The following MCTP1 variants were observed in gnomAD, a reference collection of about 807,000 sequenced individuals.
MCTP1 encodes multiple C2 and transmembrane domain containing 1, also known as multiple C2 and transmembrane domain-containing protein 1.
A neutral mutation model predicts 120.6 loss-of-function variants in MCTP1; 69 were observed. That is an observed-to-expected ratio of 0.57 (90% confidence interval 0.47 to 0.70). The LOEUF (loss-of-function observed/expected upper bound fraction) is 0.70, where lower values mean the gene tolerates loss of function less well. Among genes scored for constraint, MCTP1 ranks in the 30% least tolerant of loss-of-function variants. The pLI, the probability that MCTP1 is intolerant of heterozygous loss-of-function variation, is 0.00. For synonymous variants in MCTP1, 529 were observed against 493.1 expected, an observed-to-expected ratio of 1.07 and a Z score of -0.96; for missense variants, 1,203 against 1,248.8, an observed-to-expected ratio of 0.96 and a Z score of 0.55.
chr5:95,184,131 A>G (rs968065801), intron 1 of MCTP1, among the ~76,000 whole-genome samples: 1 of 152,118 alleles, frequency 6.6e-6, no homozygotes, highest in African/African-American at 2.4e-5. Flanking sequence ...CGTTCTGCAC[A>G]TGTATCCCAG....
rs1427436587 is a variant in MCTP1 at position 94,747,202 on chromosome 5, A to AT, written c.2610+31907dup. On this transcript the variant is annotated intron_variant, in intron 19 of 22. Coordinates refer to ENST00000515393, the MANE Select transcript of MCTP1 (RefSeq NM_024717.7). ...GTAGCATAGCACGACAGCAGCAAGT[A>AT]TTTTTTCTGTAATGGAAAACTGATT... Among the ~76,000 whole-genome samples the AT allele has an allele frequency of 3.3e-5, 5 of 152,006 alleles. No homozygotes were observed. In the East Asian group the frequency reaches 5.8e-4, roughly 18 times the overall value.
At chr5:95,243,028 C>A (rs1756343335) in intron 1 of MCTP1, among the ~76,000 whole-genome samples, 1 of 151,958 alleles carries the variant, frequency 6.6e-6, no homozygotes, top group Non-Finnish European at 1.5e-5. Flanking sequence ...AAGATGAATC[C>A]CAGCACTAGG....
At chr5:94,909,644 T>C (rs1272902417) in intron 9 of MCTP1, among the ~76,000 whole-genome samples, 1 of 152,034 alleles carries the variant, frequency 6.6e-6, no homozygotes, top group Non-Finnish European at 1.5e-5. Context: ...ATAAGATATA[T>C]AAATTATATA....
intron 1 of MCTP1, among the ~76,000 whole-genome samples, chr5:95,206,679 C>A (rs914390224): frequency 1.3e-5 from 2 of 152,138 alleles, no homozygotes; most frequent in South Asian, 2.1e-4. Context: ...GGACTTCAGG[C>A]GTGTGCCACC....
intron 1 of MCTP1, among the ~76,000 whole-genome samples, chr5:95,173,223 T>C (rs1747560127): frequency 1.3e-5 from 2 of 152,208 alleles, no homozygotes; most frequent in Admixed American, 1.3e-4. Context: ...GCAATTTCAA[T>C]CTATTAGAAC....
chr5:94,736,130 A>C (rs1378857831), intron 19 of MCTP1, among the ~76,000 whole-genome samples: 1 of 152,230 alleles, frequency 6.6e-6, no homozygotes, highest in African/African-American at 2.4e-5. Context: ...ATTATACACA[A>C]TAAATGGCCA....
intron 1 of MCTP1, among the ~76,000 whole-genome samples, chr5:95,122,036 T>C (rs773636692): frequency 2.0e-5 from 3 of 151,342 alleles, no homozygotes; most frequent in Non-Finnish European, 2.9e-5. Context: ...CCTCAAACTA[T>C]GAAATTACTA....
chr5:95,086,592 C>CT (rs1391492657), intron 1 of MCTP1, among the ~76,000 whole-genome samples: 1 of 152,196 alleles, frequency 6.6e-6, no homozygotes, highest in Non-Finnish European at 1.5e-5. Flanking sequence ...ACTGACATTT[C>CT]TATCTTCTCA....
At chr5:95,055,726 T>C (rs947990944) in intron 1 of MCTP1, among the ~76,000 whole-genome samples, 3 of 152,226 alleles carry the variant, frequency 2.0e-5, no homozygotes, top group Non-Finnish European at 4.4e-5. Context: ...CTGTGTTGCA[T>C]ACTAGCTATA....
chr5:95,263,665 G>T (rs530787329), intron 1 of MCTP1, among the ~76,000 whole-genome samples: 1 of 152,310 alleles, frequency 6.6e-6, no homozygotes, highest in East Asian at 1.9e-4. Flanking sequence ...AAGTGGAGAT[G>T]AACGACTATC....
intron 17 of MCTP1, among the ~76,000 whole-genome samples, chr5:94,825,713 T>C (rs1297738627): frequency 6.6e-6 from 1 of 152,050 alleles, no homozygotes; most frequent in Admixed American, 6.6e-5. Flanking sequence ...ACTTTATGAA[T>C]CTGGGTGCTC....
At chr5:94,975,580 T>G (rs1041862813) in intron 2 of MCTP1, among the ~76,000 whole-genome samples, 1 of 151,784 alleles carries the variant, frequency 6.6e-6, no homozygotes, top group African/African-American at 2.4e-5. Context: ...TCTACAGTAT[T>G]TCGTTATAAC....
intron 1 of MCTP1, among the ~76,000 whole-genome samples, chr5:95,188,458 A>C (rs1294536819): frequency 6.6e-6 from 1 of 152,210 alleles, no homozygotes; most frequent in Non-Finnish European, 1.5e-5. Flanking sequence ...ATGTACACTA[A>C]TGTTCACAGC....
intron 19 of MCTP1, among the ~76,000 whole-genome samples, chr5:94,756,623 G>A (rs775225614): frequency 1.3e-5 from 2 of 152,086 alleles, no homozygotes; most frequent in East Asian, 1.9e-4. Context: ...GGTTAATTAC[G>A]GGAGGTATAA....
chr5:94,783,679 T>C (rs1463448998), intron 18 of MCTP1, among the ~76,000 whole-genome samples: 2 of 152,104 alleles, frequency 1.3e-5, no homozygotes, highest in African/African-American at 2.4e-5. Context: ...TAATTATTGC[T>C]TTTTAACACC....
intron 19 of MCTP1, among the ~76,000 whole-genome samples, chr5:94,741,071 G>A (rs182568712): frequency 6.6e-6 from 1 of 152,268 alleles, no homozygotes; most frequent in Admixed American, 6.5e-5. Flanking sequence ...GCACCTGCTC[G>A]GCCATCTTGG....
intron 15 of MCTP1, 130 bp downstream of exon 15, chr5:94,870,742 G>A: frequency 2.7e-6 from 2 of 728,016 alleles, no homozygotes; most frequent in East Asian, 2.6e-5. Context: ...AGTGGCAGAA[G>A]CGTATTCTCC....
intron 1 of MCTP1, among the ~76,000 whole-genome samples, chr5:95,026,305 T>C (rs1308679839): frequency 6.6e-6 from 1 of 152,134 alleles, no homozygotes; most frequent in Non-Finnish European, 1.5e-5. Flanking sequence ...ACAATCCAAT[T>C]ATATACCTTT....
intron 1 of MCTP1, among the ~76,000 whole-genome samples, chr5:95,086,124 T>G (rs1053521357): frequency 6.6e-6 from 1 of 152,174 alleles, no homozygotes. Context: ...AAAAATTAAA[T>G]GTTCTTTGGT....
Sources: gnomAD v4.1 joint callset for allele counts (sites outside exome capture counted in the v4.1 genomes callset) on GRCh38, gnomAD v4.1.1 for gene constraint, MANE v1.5 for transcripts, NCBI Gene and HGNC (gene_info 2026-07-23, HGNC 2026-07-21) for gene names.